CADPS: variants seen among roughly 807,000 people sequenced by gnomAD.
CADPS encodes the protein calcium dependent secretion activator.
Under a neutral mutation model 167.3 loss-of-function variants are expected in CADPS, and 57 were observed. The observed-to-expected ratio is 0.34, with a 90% CI of 0.28 to 0.42. CADPS has a LOEUF of 0.42. Ranked by LOEUF, CADPS falls within the 20% of genes least tolerant of loss-of-function variation. CADPS has a pLI of 1.00. For synonymous variants in CADPS, 676 were observed against 635.3 expected (o/e 1.06, Z -0.96); for missense variants, 1,414 against 1,738.1 (o/e 0.81, Z 3.32).
chr3:62,497,268 C>G (rs1425132468), intron 18 of CADPS, among the ~76,000 whole-genome samples: 1 of 152,162 alleles, frequency 6.6e-6, no homozygotes, highest in Non-Finnish European at 1.5e-5. Flanking sequence ...TCAAGTATAT[C>G]TGTCATTTTT....
chr3:62,418,727 C>CA (rs2050706592), intron 28 of CADPS, among the ~76,000 whole-genome samples: 1 of 151,940 alleles, frequency 6.6e-6, no homozygotes, highest in African/African-American at 2.4e-5. Context: ...AAAACCCTCC[C>CA]ACCTTTGAAC....
chr3:62,478,464 C>T lies in CADPS; in HGVS notation c.3174-48G>A, dbSNP rs776659525. 6.4e-7 allele frequency: 1 copy of T among 1,565,398 alleles called. No homozygotes were observed. The highest frequency in any genetic ancestry group is 1.2e-5 in the South Asian group (1 of 86,692). On this transcript the variant is annotated intron_variant, in intron 22 of 29. Coordinates refer to ENST00000383710, the MANE Select transcript of CADPS (RefSeq NM_003716.4). This position sits in a 1 kb window ranked among gnomAD's most constrained non-coding sequence, Gnocchi z 5.7. Reference sequence around the variant, plus strand: ...ATGAGAGTCACCCACTGGCCTCAGGCTCTACAAAAACTAACACAGAGACAA... The same window carrying T: ...ATGAGAGTCACCCACTGGCCTCAGGTTCTACAAAAACTAACACAGAGACAA...
At chr3:62,500,962 G>A (rs2065671802) in intron 17 of CADPS, among the ~76,000 whole-genome samples, 1 of 152,192 alleles carries the variant, frequency 6.6e-6, no homozygotes, top group Non-Finnish European at 1.5e-5. Context: ...TGATTAGTGG[G>A]ACAGGGTAAG....
intron 1 of CADPS, among the ~76,000 whole-genome samples, chr3:62,829,421 T>C (rs1257322547): frequency 6.6e-6 from 1 of 152,150 alleles, no homozygotes; most frequent in East Asian, 1.9e-4. Context: ...TGAGCATTTA[T>C]AGATTTTAGT....
intron 1 of CADPS, among the ~76,000 whole-genome samples, chr3:62,769,679 T>C (rs1373751135): frequency 6.6e-6 from 1 of 152,174 alleles, no homozygotes; most frequent in Non-Finnish European, 1.5e-5. Flanking sequence ...CAGCATTTTG[T>C]TCACAGTCCT....
intron 16 of CADPS, chr3:62,513,811 A>G: frequency 1.4e-6 from 1 of 712,130 alleles, no homozygotes; most frequent in Non-Finnish European, 2.5e-6. Context: ...GAAAATAGCC[A>G]CAGAGTATTT....
intron 5 of CADPS, among the ~76,000 whole-genome samples, chr3:62,649,688 G>A (rs180803941): frequency 9.3e-4 from 140 of 149,868 alleles, no homozygotes; most frequent in African/African-American, 3.4e-3. Context: ...AGCCTCCCAA[G>A]GAGCTGCACA....
intron 1 of CADPS, among the ~76,000 whole-genome samples, chr3:62,805,551 C>G (rs927760648): frequency 6.6e-6 from 1 of 152,130 alleles, no homozygotes; most frequent in African/African-American, 2.4e-5. Flanking sequence ...TATGAACTGC[C>G]TTCAATCAAT....
chr3:62,604,420 A>C lies in CADPS; in HGVS notation c.1326-11672T>G, dbSNP rs556094375. 2.9e-4 allele frequency among the ~76,000 whole-genome samples: 44 copies of C among 152,326 alleles called. No homozygotes were observed. The South Asian group carries it at 8.9e-3, about 31-fold the overall frequency. On this transcript the variant is annotated intron_variant, in intron 6 of 29. Transcript: ENST00000383710. Reference sequence around the variant, plus strand: ...GAACAATGACTTCCAAGCTCTTCACATGCAGGACTGGGGACTGGAAGTCCG... The same window carrying C: ...GAACAATGACTTCCAAGCTCTTCACCTGCAGGACTGGGGACTGGAAGTCCG...
intron 6 of CADPS, chr3:62,626,646 C>A (rs1321600569): frequency 5.8e-6 from 4 of 688,248 alleles, no homozygotes; most frequent in Non-Finnish European, 1.1e-5. Context: ...ACAAAGAAGG[C>A]AATTTTGTTG....
chr3:62,770,487 G>A (rs1310145872), intron 1 of CADPS, among the ~76,000 whole-genome samples: 2 of 152,094 alleles, frequency 1.3e-5, no homozygotes, highest in African/African-American at 2.4e-5. Context: ...GTGCAGTGGT[G>A]CCATGTCAGC....
intron 6 of CADPS, among the ~76,000 whole-genome samples, chr3:62,598,591 C>T (rs1268989677): frequency 6.6e-6 from 1 of 152,182 alleles, no homozygotes; most frequent in East Asian, 1.9e-4. Flanking sequence ...AAGTGGGACA[C>T]AGCCATACAT....
At position 62,645,742 on chromosome 3, in the gene CADPS, C is replaced by G; in HGVS notation, c.1305G>C (p.Gln435His). 6.2e-7 allele frequency: 1 copy of G among 1,614,134 alleles called. No homozygotes were observed. The highest frequency in any genetic ancestry group is 8.5e-7 in the Non-Finnish European group (1 of 1,179,986). The change falls in exon 6 of 30, where the codon CAG (glutamine) becomes CAC (histidine). Residue 435 changes from glutamine (Q) to histidine (H), a missense_variant. By Grantham distance (24) the Gln-to-His change is conservative. Coordinates refer to ENST00000383710, the MANE Select transcript of CADPS (RefSeq NM_003716.4). Reference sequence around the variant, plus strand: ...CTTACGTTGGTTTAGAAGCCTCGGCCTGATCAGTCTGTAGTTTCTCTCCTC... The same window carrying G: ...CTTACGTTGGTTTAGAAGCCTCGGCGTGATCAGTCTGTAGTTTCTCTCCTC... The part of the protein sequence containing the change: ...VEGGEKLQTD[Q>H]AEASKPTWGT...
chr3:62,424,244 C>T (rs1029094191), intron 28 of CADPS, among the ~76,000 whole-genome samples: 19 of 152,170 alleles, frequency 1.2e-4, no homozygotes, highest in Non-Finnish European at 2.2e-4. Flanking sequence ...AGTGCAGTGG[C>T]ACGATCTCAG....
At chr3:62,815,476 C>G (rs937945454) in intron 1 of CADPS, among the ~76,000 whole-genome samples, 3 of 151,966 alleles carry the variant, frequency 2.0e-5, no homozygotes, top group African/African-American at 7.3e-5. Context: ...TCCTGGGGGA[C>G]AGATAACATT....
At chr3:62,865,135 T>TATACCC (rs2081450697) in intron 1 of CADPS, among the ~76,000 whole-genome samples, 1 of 152,118 alleles carries the variant, frequency 6.6e-6, no homozygotes, top group Non-Finnish European at 1.5e-5. Context: ...ATGTTCAGGA[T>TATACCC]ATACTTCAAC....
At position 62,796,872 on chromosome 3, in the gene CADPS, C is replaced by G. The variant is rs191042685; in HGVS notation, c.442-30888G>C. Among the ~76,000 whole-genome samples, 23 of 152,256 alleles carry G rather than the reference C, an allele frequency of 1.5e-4. 1 individual carries two copies. Among genetic ancestry groups the G allele is most frequent in the Admixed American group, 1.3e-3 (20 of 15,282 alleles). ...GTGTGACAGAAATTCTTTGGGTAAACAAATCATTGCTATGAAAACACTGCT... is the reference window on the plus strand; with the variant it reads ...GTGTGACAGAAATTCTTTGGGTAAAGAAATCATTGCTATGAAAACACTGCT... On this transcript the variant is annotated intron_variant, in intron 1 of 29. Transcript: ENST00000383710.
intron 1 of CADPS, among the ~76,000 whole-genome samples, chr3:62,771,881 G>A (rs1289828096): frequency 6.6e-6 from 1 of 152,200 alleles, no homozygotes; most frequent in Non-Finnish European, 1.5e-5. Context: ...GTGATCTGCA[G>A]TGAGGAGAAA....
intron 3 of CADPS, among the ~76,000 whole-genome samples, chr3:62,725,772 T>A (rs540446): frequency 0.23 from 34,386 of 151,628 alleles, 4,413 homozygotes; most frequent in African/African-American, 0.31. Flanking sequence ...AAATCAATGT[T>A]TTAGAGGAGT....
Sources: allele counts gnomAD v4.1 joint callset (sites outside exome capture counted in the v4.1 genomes callset), GRCh38; gene constraint gnomAD v4.1.1; non-coding constraint Gnocchi (gnomAD v3.1); transcripts MANE v1.5; gene names NCBI Gene and HGNC (gene_info 2026-07-23, HGNC 2026-07-21).